The following RFPL2 variants were observed in gnomAD, a reference collection of about 807,000 sequenced individuals.
RFPL2 encodes the protein ret finger protein-like 2.
Under a neutral mutation model 17.8 loss-of-function variants are expected in RFPL2, and 13 were observed. That is an observed-to-expected ratio of 0.73 (90% confidence interval 0.47 to 1.16). RFPL2 has a LOEUF of 1.16. Among genes scored for constraint, RFPL2 ranks in the 50% most tolerant of loss-of-function variants. RFPL2 has a pLI of 0.00. For missense variants in RFPL2, 431 were observed against 479.3 expected (o/e 0.90, Z 0.94); for synonymous variants, 189 against 180.9 (o/e 1.04, Z -0.36).
rs753014630 is a variant in RFPL2, at chr22:32,190,473, T to C, written c.*299A>G. 1.1e-4 allele frequency: 29 copies of C among 254,760 alleles called. No individual in the cohort carries two copies. The highest frequency in any genetic ancestry group is 1.8e-4 in the African/African-American group (8 of 45,090). 15.8% of individuals were successfully genotyped at this position (254,760 alleles called of 1,614,324 possible). A position where few individuals can be genotyped will look rare whatever the true frequency, so the allele number is the denominator to read the frequency against. On this transcript the variant is annotated 3_prime_UTR_variant, in exon 5 of 5. Transcript: ENST00000652607. ...ATCTTTATTTAACTCATAACTTCTA[T>C]AATACATTAATTTGAACTTGCAGAA...
chr22:32,195,171 T>C (rs1304221354), intron 2 of RFPL2, among the ~76,000 whole-genome samples: 1 of 152,230 alleles, frequency 6.6e-6, no homozygotes, highest in Non-Finnish European at 1.5e-5. Flanking sequence ...AATTTGAATA[T>C]AATCTTATCA....
At position 32,191,134 on chromosome 22, in the gene RFPL2, T is replaced by C. The variant is rs201992778; in HGVS notation, c.775A>G (p.Arg259Gly). 219 of 1,613,964 alleles carry C rather than the reference T, an allele frequency of 1.4e-4. 1 individual carries two copies. In the African/African-American group the frequency reaches 2.3e-3, roughly 17 times the overall value. ...CTCCCTTTGCGGTGAACAGATTCTC[T>C]GCAGACTCCCAGGTCCCATTCTGTG... is the stretch of plus-strand genomic sequence containing the variant. ...TSTEWDLGVC[R>G]ESVHRKGRIQ... Residue 259 changes from arginine (R) to glycine (G), a missense_variant, in exon 5 of 5, where the codon AGA becomes GGA. Physicochemically the swap from Arg to Gly is moderately radical, Grantham distance 125. Coordinates refer to ENST00000652607, the MANE Select transcript of RFPL2 (RefSeq NM_001394555.1).
At chr22:32,193,458 G>A in intron 3 of RFPL2, 1 of 1,450,192 alleles carries the variant, frequency 6.9e-7, no homozygotes, top group Non-Finnish European at 9.1e-7. Context: ...CCCAGCAGCT[G>A]AGCCTGAGCC....
chr22:32,196,410 G>A (rs1158508074), intron 2 of RFPL2, among the ~76,000 whole-genome samples: 1 of 152,130 alleles, frequency 6.6e-6, no homozygotes, highest in African/African-American at 2.4e-5. Flanking sequence ...GATTTACAGT[G>A]GGATGAGATC....
intron 2 of RFPL2, among the ~76,000 whole-genome samples, chr22:32,196,374 A>C (rs1264136418): frequency 1.3e-5 from 2 of 152,222 alleles, no homozygotes; most frequent in Admixed American, 6.5e-5. Flanking sequence ...TTTTTAAAAG[A>C]CCTACATTTA....
At chr22:32,197,462 A>G (rs989449352) in intron 2 of RFPL2, among the ~76,000 whole-genome samples, 1 of 151,214 alleles carries the variant, frequency 6.6e-6, no homozygotes, top group African/African-American at 2.4e-5. Context: ...TGCGCACAAC[A>G]TGTAGGTTTG....
intron 3 of RFPL2, among the ~76,000 whole-genome samples, chr22:32,193,944 A>G (rs771661082): frequency 1.7e-4 from 26 of 151,650 alleles, no homozygotes; most frequent in Non-Finnish European, 2.7e-4. Context: ...AGGCCGAGGC[A>G]GGAAGATCCC....
chr22:32,193,029 G>T lies in RFPL2; in HGVS notation c.429C>A (p.Ser143=). 1 of 1,614,096 alleles carries T rather than the reference G, an allele frequency of 6.2e-7. No individual in the cohort carries two copies. The highest frequency in any genetic ancestry group is 2.2e-5 in the East Asian group (1 of 44,876). Residue 143 remains serine (S), a synonymous_variant, in exon 4 of 5, where the codon TCC becomes TCA. Coordinates refer to ENST00000652607, the MANE Select transcript of RFPL2 (RefSeq NM_001394555.1). Reference sequence around the variant, plus strand: ...TGATTTTGTTCTTCCGAGAGACCATGGAAGAGCAACAGCAAAGTAGATCCT... The same window carrying T: ...TGATTTTGTTCTTCCGAGAGACCATTGAAGAGCAACAGCAAAGTAGATCCT... ...HGEDLLCCCS[S]MVSRKNKIRR...
At chr22:32,202,285 A>T (rs1202370874) in intron 2 of RFPL2, 48 bp downstream of exon 2, 4 of 1,552,898 alleles carry the variant, frequency 2.6e-6, no homozygotes, top group Middle Eastern at 3.3e-4. Flanking sequence ...TTTCCCTTAT[A>T]AAGACTCCAC....
intron 4 of RFPL2, 26 bp from the exon 5 acceptor site, chr22:32,191,378 A>G: frequency 1.3e-6 from 2 of 1,592,742 alleles, no homozygotes; most frequent in South Asian, 1.1e-5. Context: ...AAAGTTGCTC[A>G]GCAAATGGAC....
At chr22:32,191,670 G>A (rs533535004) in intron 4 of RFPL2, among the ~76,000 whole-genome samples, 24 of 152,302 alleles carry the variant, frequency 1.6e-4, no homozygotes, top group Middle Eastern at 3.4e-3. Flanking sequence ...CCACCTTGAT[G>A]CATGAACAAA....
intron 3 of RFPL2, among the ~76,000 whole-genome samples, chr22:32,194,106 A>T (rs1923053037): frequency 6.6e-6 from 1 of 151,978 alleles, no homozygotes; most frequent in Non-Finnish European, 1.5e-5. Context: ...ATAAAAAAAT[A>T]AAAAAATAAA....
chr22:32,198,258 G>A (rs1210760672), intron 2 of RFPL2, among the ~76,000 whole-genome samples: 1 of 152,074 alleles, frequency 6.6e-6, no homozygotes, highest in Non-Finnish European at 1.5e-5. Flanking sequence ...GCCTTCCAAG[G>A]AGCTCCTTCC....
intron 1 of RFPL2, chr22:32,203,079 G>T: frequency 2.0e-6 from 2 of 985,784 alleles, no homozygotes; most frequent in Non-Finnish European, 2.4e-6. Flanking sequence ...GACCACCGCT[G>T]TCACTGACAC....
Position 32,192,914 on chromosome 22 carries a change from G to C in RFPL2, c.544C>G (p.Arg182Gly). Residue 182 changes from arginine to glycine, a missense_variant, in exon 4 of 5, where the codon CGG (arginine) becomes GGG (glycine). Coordinates refer to ENST00000652607, the MANE Select transcript of RFPL2 (RefSeq NM_001394555.1). ...KKILQMNPRMRKFQVDMTLDA... is the reference protein window; with the variant it reads ...KKILQMNPRMGKFQVDMTLDA... The stretch of plus-strand genomic sequence containing the variant: ...ACAGATGCCTTACCTTGGAACTTCC[G>C]CATCCTTGGGTTCATCTGCAGAATC... 3 of 1,611,714 alleles carry C rather than the reference G, an allele frequency of 1.9e-6. No homozygotes were observed. Among genetic ancestry groups the C allele is most frequent in the African/African-American group, 1.3e-5 (1 of 74,946 alleles).
At chr22:32,193,414 G>A (rs3959628) in intron 3 of RFPL2, 3 of 1,508,490 alleles carry the variant, frequency 2.0e-6, no homozygotes, top group African/African-American at 1.4e-5. Context: ...TGTGCTCTGA[G>A]CTGAGGTGGA....
At chr22:32,194,250 C>A in intron 3 of RFPL2, 95 bp downstream of exon 3, 1 of 1,427,392 alleles carries the variant, frequency 7.0e-7, no homozygotes, top group Non-Finnish European at 9.4e-7. Context: ...TTGTTGAATT[C>A]ATTAATTACG....
intron 2 of RFPL2, among the ~76,000 whole-genome samples, chr22:32,201,341 G>A (rs771962245): frequency 6.6e-6 from 1 of 152,164 alleles, no homozygotes; most frequent in South Asian, 2.1e-4. Context: ...CCTGACAAGT[G>A]TTCCCTTATT....
At chr22:32,195,377 G>T (rs1053243506) in intron 2 of RFPL2, among the ~76,000 whole-genome samples, 1 of 151,904 alleles carries the variant, frequency 6.6e-6, no homozygotes, top group Non-Finnish European at 1.5e-5. Flanking sequence ...CATATTTATG[G>T]CACACAGTAA....
Sources: allele counts gnomAD v4.1 joint callset (sites outside exome capture counted in the v4.1 genomes callset), GRCh38; gene constraint gnomAD v4.1.1; transcripts MANE v1.5; gene names NCBI Gene and HGNC (gene_info 2026-07-23, HGNC 2026-07-21).